MIPOL1: variants seen among roughly 807,000 people sequenced by gnomAD.
MIPOL1 encodes mirror-image polydactyly 1, also known as mirror-image polydactyly gene 1 protein.
In MIPOL1, 57 loss-of-function variants were observed where a neutral mutation model predicts 60.9. The observed-to-expected ratio is 0.94, with a 90% confidence interval of 0.76 to 1.17. The LOEUF (loss-of-function observed/expected upper bound fraction) is 1.17. Among genes scored for constraint, MIPOL1 ranks in the 50% most tolerant of loss-of-function variants. The pLI is 0.00. For synonymous variants in MIPOL1, 179 were observed against 168.8 expected, an observed-to-expected ratio of 1.06 and a Z score of -0.47; for missense variants, 551 against 511.6, an observed-to-expected ratio of 1.08 and a Z score of -0.74.
chr14:37,500,097 T>C lies in MIPOL1; in HGVS notation c.1221T>C (p.His407=). Residue 407 remains histidine (H), a synonymous_variant, in exon 12 of 13, where the codon CAT becomes CAC. Transcript: ENST00000684589. ...CAAATATGGAATTACAACTTCAACA[T>C]GCCAGAGAGGCCTCCCAAGTGGCCA... ...ERANMELQLQ[H]AREASQVANE... The C allele has an allele frequency of 1.2e-6, 2 of 1,613,662 alleles. No homozygotes were observed. Among genetic ancestry groups the C allele is most frequent in the South Asian group, 2.2e-5 (2 of 91,062 alleles).
chr14:37,293,025 T>G (rs76191961), intron 7 of MIPOL1, among the ~76,000 whole-genome samples: 1 of 152,186 alleles, frequency 6.6e-6, no homozygotes, highest in African/African-American at 2.4e-5. Context: ...CCTAATTTCA[T>G]GGGGATATTG....
intron 11 of MIPOL1, among the ~76,000 whole-genome samples, chr14:37,465,588 T>G (rs2094588363): frequency 6.6e-6 from 1 of 152,140 alleles, no homozygotes; most frequent in Admixed American, 6.5e-5. Context: ...TTTTCAATTT[T>G]AACCCTTTTG....
intron 4 of MIPOL1, 51 bp downstream of exon 4, chr14:37,267,220 G>T (rs762937629): frequency 2.4e-5 from 33 of 1,385,080 alleles, no homozygotes; most frequent in Non-Finnish European, 3.3e-5. Flanking sequence ...AGGCGTGGTG[G>T]CTCATGCCTG....
chr14:37,285,410 A>T lies in MIPOL1; in HGVS notation c.586A>T (p.Ile196Phe). 1.2e-6 allele frequency: 2 copies of T among 1,614,062 alleles called. No homozygotes were observed. Among genetic ancestry groups the T allele is most frequent in the Non-Finnish European group, 1.7e-6 (2 of 1,179,980 alleles). The change falls in exon 7 of 13, where the codon ATT (isoleucine) becomes TTT (phenylalanine). Residue 196 changes from isoleucine to phenylalanine, a missense_variant. Physicochemically the swap from Ile to Phe is conservative, Grantham distance 21. Coordinates refer to ENST00000684589, the MANE Select transcript of MIPOL1 (RefSeq NM_001388067.1). The stretch of plus-strand genomic sequence containing the variant: ...AGCCATTGAGGAGAGAGATGAAGCA[A>T]TTGCACGAGCCAAGCATATGGAAAT... Reference protein sequence around the residue: ...QLAIEERDEAIARAKHMEMSL... With the variant: ...QLAIEERDEAFARAKHMEMSL...
intron 10 of MIPOL1, chr14:37,402,007 A>G (rs1319246786): frequency 6.6e-6 from 1 of 152,130 alleles, no homozygotes; most frequent in South Asian, 2.1e-4. Context: ...TTGATAGGGC[A>G]TATCACTTAT....
chr14:37,334,202 C>T (rs558945592), intron 9 of MIPOL1, among the ~76,000 whole-genome samples: 20 of 151,982 alleles, frequency 1.3e-4, no homozygotes, highest in Non-Finnish European at 2.1e-4. Flanking sequence ...TTAGCTTTTC[C>T]GTTTCTTGTG....
chr14:37,497,212 A>G (rs2153611405), intron 11 of MIPOL1, among the ~76,000 whole-genome samples: 1 of 152,334 alleles, frequency 6.6e-6, no homozygotes, highest in African/African-American at 2.4e-5. Context: ...CCTAGGCATC[A>G]CCATTCAGGA....
intron 3 of MIPOL1, among the ~76,000 whole-genome samples, chr14:37,259,993 A>C (rs958543774): frequency 2.0e-5 from 3 of 152,028 alleles, no homozygotes; most frequent in Non-Finnish European, 4.4e-5. Flanking sequence ...TAGAGTTTTT[A>C]ATTTACCTTT....
chr14:37,268,534 C>T (rs1165553437), intron 4 of MIPOL1, 124 bp from the exon 5 acceptor site: 1 of 711,800 alleles, frequency 1.4e-6, no homozygotes, highest in African/African-American at 1.9e-5. Context: ...AACAGCCCAT[C>T]TCTTTTCCTT....
At chr14:37,410,960 G>T (rs1433612658) in intron 10 of MIPOL1, among the ~76,000 whole-genome samples, 1 of 152,012 alleles carries the variant, frequency 6.6e-6, no homozygotes, top group Middle Eastern at 3.2e-3. Flanking sequence ...CAAGATGATA[G>T]ATTTAAAGAC....
intron 10 of MIPOL1, among the ~76,000 whole-genome samples, chr14:37,373,640 G>A (rs189749913): frequency 6.6e-5 from 10 of 152,018 alleles, no homozygotes; most frequent in African/African-American, 1.7e-4. Flanking sequence ...TGTGGTGTTC[G>A]GTTTTCTGTT....
chr14:37,349,108 C>G (rs1390180713), intron 9 of MIPOL1, among the ~76,000 whole-genome samples: 1 of 150,668 alleles, frequency 6.6e-6, no homozygotes, highest in African/African-American at 2.4e-5. Context: ...CCTGCCTCAG[C>G]CTCCCGAGTA....
chr14:37,474,597 TA>T (rs552144610), intron 11 of MIPOL1, among the ~76,000 whole-genome samples: 2 of 152,342 alleles, frequency 1.3e-5, no homozygotes, highest in South Asian at 4.1e-4. Flanking sequence ...GTGAGTCTAT[TA>T]AACCTCTTGT....
intron 7 of MIPOL1, among the ~76,000 whole-genome samples, chr14:37,290,560 A>G (rs892639221): frequency 2.6e-5 from 4 of 152,018 alleles, no homozygotes; most frequent in Admixed American, 1.3e-4. Flanking sequence ...TTTTTGTCAG[A>G]TACCTGAAGG....
chr14:37,273,717 A>T lies in MIPOL1; in HGVS notation c.493+3192A>T, dbSNP rs538231240. ...TTAGAGTCACATTGATCCAGGTTCA[A>T]ATTACAGCTTGGATACTTGATATTG... On this transcript the variant is annotated intron_variant, in intron 6 of 12. Transcript: ENST00000684589. 6.6e-5 allele frequency among the ~76,000 whole-genome samples: 10 copies of T among 151,544 alleles called. No individual in the cohort carries two copies. In the South Asian group the frequency reaches 1.2e-3, roughly 19 times the overall value.
chr14:37,343,110 T>G (rs969878264), intron 9 of MIPOL1, among the ~76,000 whole-genome samples: 1 of 151,488 alleles, frequency 6.6e-6, no homozygotes, highest in East Asian at 1.9e-4. Context: ...AATAAATTAG[T>G]TATGTTATAT....
At position 37,369,507 on chromosome 14, in the gene MIPOL1, C is replaced by G; in HGVS notation, c.829-10C>G. 6.2e-7 allele frequency: 1 copy of G among 1,602,512 alleles called. No individual in the cohort carries two copies. The highest frequency in any genetic ancestry group is 8.5e-7 in the Non-Finnish European group (1 of 1,171,524). Reference sequence around the variant, plus strand: ...CTCCTTTACTTAATGGGATTCTTCCCCTGTGGCAGTGCAAACGGTTAGAGC... The same window carrying G: ...CTCCTTTACTTAATGGGATTCTTCCGCTGTGGCAGTGCAAACGGTTAGAGC... On this transcript the variant is annotated splice_polypyrimidine_tract_variant and intron_variant, in intron 9 of 12. Coordinates refer to ENST00000684589, the MANE Select transcript of MIPOL1 (RefSeq NM_001388067.1).
At chr14:37,231,329 A>G (rs1970596645) in intron 1 of MIPOL1, among the ~76,000 whole-genome samples, 1 of 151,900 alleles carries the variant, frequency 6.6e-6, no homozygotes, top group South Asian at 2.1e-4. Context: ...CTCAAGCAGG[A>G]CTCCTGCTTT....
chr14:37,428,153 C>T lies in MIPOL1; in HGVS notation c.1031+5204C>T, dbSNP rs190491815. On this transcript the variant is annotated intron_variant, in intron 11 of 12. Transcript: ENST00000684589. ...CTGGAGTGAGTCAGAATACAGCCGGCATGTATACTGTGAAGCAGCAAAAGA... is the reference window on the plus strand; with the variant it reads ...CTGGAGTGAGTCAGAATACAGCCGGTATGTATACTGTGAAGCAGCAAAAGA... Among the ~76,000 whole-genome samples, 41 of 152,238 alleles carry T rather than the reference C, an allele frequency of 2.7e-4. No individual in the cohort carries two copies. In the East Asian group the frequency reaches 5.8e-3, roughly 22 times the overall value.
Sources: allele counts gnomAD v4.1 joint callset (sites outside exome capture counted in the v4.1 genomes callset), GRCh38; gene constraint gnomAD v4.1.1; transcripts MANE v1.5; gene names NCBI Gene and HGNC (gene_info 2026-07-23, HGNC 2026-07-21).